Variants in SAMD5 observed in about 807,000 individuals in gnomAD.
The protein encoded by SAMD5 is sterile alpha motif domain-containing protein 5.
Under a neutral mutation model 11.3 loss-of-function variants are expected in SAMD5, and 13 were observed. The ratio of observed to expected loss-of-function variants is 1.15; its 90% confidence interval spans 0.75 to 1.83. The LOEUF (loss-of-function observed/expected upper bound fraction) is 1.83, where lower values mean the gene tolerates loss of function less well. SAMD5 is among the 40% of genes most tolerant of loss of function. The pLI is 0.00. For missense variants in SAMD5, 255 were observed against 239.1 expected (o/e 1.07, Z -0.44); for synonymous variants, 129 against 111.3 (o/e 1.16, Z -1.00).
chr6:147,529,949 A>C (rs116083189), intron 1 of SAMD5, among the ~76,000 whole-genome samples: 1,639 of 152,346 alleles, frequency 0.011, 24 homozygotes, highest in African/African-American at 0.038. Context: ...AAGTTAGTAA[A>C]AAAGATTTAT....
At chr6:147,511,386 G>T (rs1788086247) in intron 1 of SAMD5, among the ~76,000 whole-genome samples, 1 of 152,214 alleles carries the variant, frequency 6.6e-6, no homozygotes, top group Non-Finnish European at 1.5e-5. Context: ...TAGTGCATTT[G>T]CATAAGTGCA....
chr6:147,586,892 C>G (rs924683723), intron 1 of SAMD5, among the ~76,000 whole-genome samples: 1 of 152,056 alleles, frequency 6.6e-6, no homozygotes, highest in Non-Finnish European at 1.5e-5. Flanking sequence ...ATTATGAGAA[C>G]TAATAAACAA....
intron 1 of SAMD5, among the ~76,000 whole-genome samples, chr6:147,546,564 A>G (rs1481966600): frequency 6.8e-6 from 1 of 146,416 alleles, no homozygotes; most frequent in Non-Finnish European, 1.5e-5. Context: ...CCTGGAAGTG[A>G]CTTCTGTTAT....
intron 1 of SAMD5, among the ~76,000 whole-genome samples, chr6:147,651,398 A>G (rs1790481391): frequency 6.6e-6 from 1 of 152,166 alleles, no homozygotes; most frequent in Non-Finnish European, 1.5e-5. Flanking sequence ...GCTAGTTGCT[A>G]TGGTCTGAAT....
At chr6:147,527,804 G>GT (rs36087874) in intron 1 of SAMD5, among the ~76,000 whole-genome samples, 6,184 of 151,950 alleles carry the variant, frequency 0.041, 432 homozygotes, top group African/African-American at 0.14. Context: ...ATAAAGAAAG[G>GT]TTTTTTTTAT....
At chr6:147,832,196 AAT>A in the SAMD5 span, among the ~76,000 whole-genome samples, 1 of 152,314 alleles carries the variant, frequency 6.6e-6, no homozygotes, top group Admixed American at 6.5e-5. Flanking sequence ...GAGTACGTTC[AAT>A]TATAAGAATT....
At chr6:147,717,868 C>T (rs1208152257) in intron 1 of SAMD5, among the ~76,000 whole-genome samples, 1 of 151,862 alleles carries the variant, frequency 6.6e-6, no homozygotes, top group African/African-American at 2.4e-5. Flanking sequence ...CAAAACAAAA[C>T]AAAACAAAAC....
intron 1 of SAMD5, among the ~76,000 whole-genome samples, chr6:147,514,428 C>T (rs1788134181): frequency 6.6e-6 from 1 of 150,660 alleles, no homozygotes; most frequent in South Asian, 2.1e-4. Context: ...GGATCCTATA[C>T]ATTCCATCAT....
At chr6:147,932,157 G>A in the SAMD5 span, among the ~76,000 whole-genome samples, 2 of 152,140 alleles carry the variant, frequency 1.3e-5, no homozygotes, top group South Asian at 4.1e-4. Flanking sequence ...AACCAGATAA[G>A]ACAAGCATTA....
intron 1 of SAMD5, among the ~76,000 whole-genome samples, chr6:147,611,127 C>T (rs1410451488): frequency 6.6e-6 from 1 of 152,250 alleles, no homozygotes; most frequent in African/African-American, 2.4e-5. Context: ...CCACCTTGGC[C>T]TCCCAAAGTG....
the SAMD5 span, among the ~76,000 whole-genome samples, chr6:147,756,322 T>C: frequency 0.028 from 4,215 of 152,150 alleles, 159 homozygotes; most frequent in African/African-American, 0.084. Flanking sequence ...CAAAACCAGA[T>C]AGCAAAAAAA....
the SAMD5 span, among the ~76,000 whole-genome samples, chr6:147,940,096 G>A: frequency 1.3e-5 from 2 of 151,980 alleles, no homozygotes; most frequent in Non-Finnish European, 2.9e-5. Flanking sequence ...TGGGAGCTAC[G>A]AAAGATTTTC....
intron 1 of SAMD5, among the ~76,000 whole-genome samples, chr6:147,599,740 G>A (rs1415226577): frequency 6.6e-6 from 1 of 152,146 alleles, no homozygotes; most frequent in African/African-American, 2.4e-5. Context: ...ACACAATTTT[G>A]CTTCACTGCT....
chr6:147,541,223 T>C (rs1788599241), intron 1 of SAMD5, among the ~76,000 whole-genome samples: 1 of 152,118 alleles, frequency 6.6e-6, no homozygotes, highest in African/African-American at 2.4e-5. Context: ...GAGCTGGGAT[T>C]ACAGGCGTAA....
chr6:147,669,510 C>T (rs1313682632), intron 1 of SAMD5, among the ~76,000 whole-genome samples: 1 of 150,040 alleles, frequency 6.7e-6, no homozygotes, highest in Non-Finnish European at 1.5e-5. Flanking sequence ...TCACTGCAAC[C>T]TCTGCTTCCT....
chr6:147,760,157 T>C, the SAMD5 span, among the ~76,000 whole-genome samples: 400 of 152,274 alleles, frequency 2.6e-3, no homozygotes, highest in Non-Finnish European at 4.9e-3. Context: ...CAGAAAGTAA[T>C]GACTCAGATG....
At chr6:147,855,332 A>T in the SAMD5 span, among the ~76,000 whole-genome samples, 13 of 152,204 alleles carry the variant, frequency 8.5e-5, no homozygotes, top group African/African-American at 3.1e-4. Flanking sequence ...TTTTGCTTAC[A>T]GAAGATAAAA....
the SAMD5 span, among the ~76,000 whole-genome samples, chr6:147,930,805 G>A: frequency 1.3e-5 from 2 of 152,154 alleles, no homozygotes; most frequent in African/African-American, 4.8e-5. Flanking sequence ...GAGAAAGAGA[G>A]TGTGAGCAAA....
chr6:147,531,876 TCAAA>T lies in SAMD5; in HGVS notation c.459+22492_459+22495del, dbSNP rs942886002. Among the ~76,000 whole-genome samples the T allele has an allele frequency of 8.5e-5, 13 of 152,306 alleles. 1 individual carries two copies. The highest frequency in any genetic ancestry group is 4.1e-4 in the South Asian group (2 of 4,824). ...TAGAAATTTGTACGAGATTATATCA[TCAAA>T]CAGTTTTAAAAAGGAGGAAATAGGA... is the stretch of plus-strand genomic sequence containing the variant. On this transcript the variant is annotated intron_variant, in intron 1 of 1. Transcript: ENST00000367474.
Sources: allele counts gnomAD v4.1 joint callset (sites outside exome capture counted in the v4.1 genomes callset), GRCh38; gene constraint gnomAD v4.1.1; transcripts MANE v1.5; gene names NCBI Gene and HGNC (gene_info 2026-07-23, HGNC 2026-07-21).